The following ODAD3 variants were observed in gnomAD, a reference collection of about 807,000 sequenced individuals.
The protein encoded by ODAD3 is outer dynein arm-docking complex subunit 3.
A neutral mutation model predicts 70.9 loss-of-function variants in ODAD3; 57 were observed. The ratio of observed to expected loss-of-function variants is 0.80; its 90% CI spans 0.65 to 1.00. The LOEUF is 1.00. ODAD3 is among the 50% of genes least tolerant of loss of function. ODAD3 has a pLI of 0.00. For missense variants in ODAD3, 797 were observed against 763.9 expected, an observed-to-expected ratio of 1.04 and a Z score of -0.51; for synonymous variants, 327 against 315.9, an observed-to-expected ratio of 1.04 and a Z score of -0.37.
chr19:11,424,956 C>CATATGTGTATATATGTAT (rs1181001463), intron 7 of ODAD3, among the ~76,000 whole-genome samples: 1 of 105,838 alleles, frequency 9.4e-6, no homozygotes, highest in Non-Finnish European at 1.9e-5. Flanking sequence ...TGTATATGTA[C>CATATGTGTATATATGTAT]ATATGTGTAT....
chr19:11,421,834 T>G lies in ODAD3; in HGVS notation c.1435-2A>C. On this transcript the variant is annotated splice_acceptor_variant, in intron 10 of 12. Coordinates refer to ENST00000356392, the MANE Select transcript of ODAD3 (RefSeq NM_145045.5). LOFTEE classifies it high-confidence loss of function. ...CTTTCCCGCGAAGCGGCCGTCCTCCTGCGGCCAGGGTAGAGCCGGGTCAGC... is the reference window on the plus strand; with the variant it reads ...CTTTCCCGCGAAGCGGCCGTCCTCCGGCGGCCAGGGTAGAGCCGGGTCAGC... The G allele has an allele frequency of 6.2e-7, 1 of 1,611,810 alleles. No homozygotes were observed. The highest frequency in any genetic ancestry group is 8.5e-7 in the Non-Finnish European group (1 of 1,179,276).
upstream of ODAD3, chr19:11,435,430 C>T (rs530812240): frequency 1.6e-3 from 580 of 365,648 alleles, 4 homozygotes; most frequent in South Asian, 5.4e-3. Flanking sequence ...GAAGCCGCCA[C>T]TCCCAAGATG....
rs764008415 is a variant in ODAD3 at position 11,424,555 on chromosome 19, GTGTATATA to G, written c.964-534_964-527del. Among the ~76,000 whole-genome samples, 33 of 126,634 alleles carry G rather than the reference GTGTATATA, an allele frequency of 2.6e-4. 2 individuals carry two copies. The East Asian group carries it at 5.4e-3, about 21-fold the overall frequency. 83.1% of individuals were successfully genotyped at this position (126,634 alleles called of 152,430 possible). A position where few individuals can be genotyped will look rare whatever the true frequency, so the allele number is the denominator to read the frequency against. On this transcript the variant is annotated intron_variant, in intron 7 of 12. Coordinates refer to ENST00000356392, the MANE Select transcript of ODAD3 (RefSeq NM_145045.5). The stretch of plus-strand genomic sequence containing the variant: ...TGTATATATGTGTATATATACCTAT[GTGTATATA>G]TGTATATATGTGTATATATACCTAT...
At chr19:11,425,680 A>G (rs1281971849) in intron 7 of ODAD3, among the ~76,000 whole-genome samples, 1 of 131,842 alleles carries the variant, frequency 7.6e-6, no homozygotes, top group African/African-American at 4.0e-5. Context: ...TGCAAAAAAA[A>G]CCTATCAAAC....
Position 11,425,307 on chromosome 19 carries a change from G to GTGTACATATGTGTATATA in ODAD3, c.963+836_963+837insTATATACACATATGTACA, listed in dbSNP as rs1969302429. On this transcript the variant is annotated intron_variant, in intron 7 of 12. Transcript: ENST00000356392. The stretch of plus-strand genomic sequence containing the variant: ...TGTACATATGTGTATATATGTGTAT[G>GTGTACATATGTGTATATA]TGTACATATGTGTATATGTACATAT... Among the ~76,000 whole-genome samples, 25 of 111,042 alleles carry GTGTACATATGTGTATATA rather than the reference G, an allele frequency of 2.3e-4. 1 individual carries two copies. The highest frequency in any genetic ancestry group is 1.4e-3 in the African/African-American group (24 of 17,236). 72.8% of individuals were successfully genotyped at this position (111,042 alleles called of 152,430 possible). A position where few individuals can be genotyped will look rare whatever the true frequency, so the allele number is the denominator to read the frequency against.
Position 11,420,718 on chromosome 19 carries a change from G to C in ODAD3, c.*117C>G. ...TCCTCCCCTCCGGGCGCCGCTGGCCGCCTCCGTTCCCGGTCCGGGCCGCGT... is the reference window on the plus strand; with the variant it reads ...TCCTCCCCTCCGGGCGCCGCTGGCCCCCTCCGTTCCCGGTCCGGGCCGCGT... On this transcript the variant is annotated 3_prime_UTR_variant, in exon 13 of 13. Coordinates refer to ENST00000356392, the MANE Select transcript of ODAD3 (RefSeq NM_145045.5). 4 of 839,326 alleles carry C rather than the reference G, an allele frequency of 4.8e-6. No homozygotes were observed. Among genetic ancestry groups the C allele is most frequent in the Non-Finnish European group, 3.8e-6 (2 of 524,144 alleles). 52.0% of individuals were successfully genotyped at this position (839,326 alleles called of 1,614,324 possible). A position where few individuals can be genotyped will look rare whatever the true frequency, so the allele number is the denominator to read the frequency against.
At chr19:11,425,567 G>GTATGTATA (rs1265018499) in intron 7 of ODAD3, among the ~76,000 whole-genome samples, 1 of 131,134 alleles carries the variant, frequency 7.6e-6, no homozygotes, top group Non-Finnish European at 1.5e-5. Flanking sequence ...ATATATGTGT[G>GTATGTATA]TATGTATGTA....
At chr19:11,423,789 G>A in intron 8 of ODAD3, 88 bp downstream of exon 8, 7 of 1,368,728 alleles carry the variant, frequency 5.1e-6, no homozygotes, top group Non-Finnish European at 7.0e-6. Context: ...GGGAGACAGG[G>A]TGTGTCGGTT....
At position 11,430,730 on chromosome 19, in the gene ODAD3, T is replaced by G; in HGVS notation, c.413A>C (p.Glu138Ala). The change falls in exon 3 of 13, where the codon GAG (glutamate) becomes GCG (alanine). Residue 138 changes from glutamate (E) to alanine (A), a missense_variant. Coordinates refer to ENST00000356392, the MANE Select transcript of ODAD3 (RefSeq NM_145045.5). ...VQAVIREWKW[E>A]KPYLKNRTGQ... is the part of the protein sequence containing the mutation. Reference sequence around the variant, plus strand: ...TGTCCTGTTCTTCAGGTATGGCTTCTCCCACTTCCATTCGCGAATCACTGC... The same window carrying G: ...TGTCCTGTTCTTCAGGTATGGCTTCGCCCACTTCCATTCGCGAATCACTGC... The G allele has an allele frequency of 6.2e-7, 1 of 1,614,014 alleles. No homozygotes were observed. Among genetic ancestry groups the G allele is most frequent in the East Asian group, 2.2e-5 (1 of 44,860 alleles).
Position 11,430,713 on chromosome 19 carries a change from T to A in ODAD3, c.430A>T (p.Asn144Tyr), listed in dbSNP as rs373667322. ...EWKWEKPYLK[N>Y]RTGQALEHLD... ...GGTGGGCAAACCTGTCCTGTCCTGTTCTTCAGGTATGGCTTCTCCCACTTC... is the reference window on the plus strand; with the variant it reads ...GGTGGGCAAACCTGTCCTGTCCTGTACTTCAGGTATGGCTTCTCCCACTTC... Residue 144 changes from asparagine to tyrosine, a missense_variant, in exon 3 of 13, where the codon AAC becomes TAC. Coordinates refer to ENST00000356392, the MANE Select transcript of ODAD3 (RefSeq NM_145045.5). 2 of 1,613,920 alleles carry A rather than the reference T, an allele frequency of 1.2e-6. No homozygotes were observed. Among genetic ancestry groups the A allele is most frequent in the Non-Finnish European group, 1.7e-6 (2 of 1,180,010 alleles).
rs1969126108 is a variant in ODAD3, at chr19:11,421,221, G to A, written c.1591-9C>T. ...TCTAAGCTGGCGAGGAACTAAGCGG[G>A]GATGGGAAGCGAGAGAGGAAGGTGG... On this transcript the variant is annotated splice_polypyrimidine_tract_variant and intron_variant, in intron 11 of 12. Coordinates refer to ENST00000356392, the MANE Select transcript of ODAD3 (RefSeq NM_145045.5). The A allele has an allele frequency of 1.2e-6, 2 of 1,610,846 alleles. No homozygotes were observed. The highest frequency in any genetic ancestry group is 1.3e-5 in the African/African-American group (1 of 74,958).
intron 7 of ODAD3, among the ~76,000 whole-genome samples, chr19:11,425,019 ATACATATGTGCATATATACATATGTG>A (rs1290142231): frequency 8.5e-6 from 1 of 117,822 alleles, no homozygotes; most frequent in Non-Finnish European, 1.7e-5. Context: ...ATGTGTATAT[ATACATATGTGCATATATACATATGTG>A]TATATATGTG....
chr19:11,435,375 C>T (rs943529995), upstream of ODAD3: 1 of 453,172 alleles, frequency 2.2e-6, no homozygotes, highest in Admixed American at 3.8e-5. Flanking sequence ...TATCCCGCCC[C>T]TGGGGGTTCG....
chr19:11,428,861 T>TTTATTTA (rs1969442578), intron 3 of ODAD3, among the ~76,000 whole-genome samples: 30 of 135,686 alleles, frequency 2.2e-4, no homozygotes, highest in African/African-American at 6.3e-4. Flanking sequence ...GTGTTTTATT[T>TTTATTTA]TTTATTTATT....
chr19:11,423,833 GGT>G (rs1969197802), intron 8 of ODAD3, 42 bp downstream of exon 8: 1 of 1,472,074 alleles, frequency 6.8e-7, no homozygotes, highest in Non-Finnish European at 9.2e-7. Context: ...GCCCGTCTGG[GGT>G]GGGGGGGGGG....
intron 3 of ODAD3, chr19:11,430,418 G>A (rs1390364607): frequency 2.2e-6 from 1 of 455,778 alleles, no homozygotes; most frequent in Non-Finnish European, 3.9e-6. Context: ...GATTACAGAC[G>A]TGGGCCACCG....
At position 11,431,019 on chromosome 19, in the gene ODAD3, C is replaced by T. The variant is rs764032668; in HGVS notation, c.246G>A (p.Glu82=). ...AELHKKIQLL[E]GDRKAFFESS... The stretch of plus-strand genomic sequence containing the variant: ...TCTCAAAAAAAGCCTTCCGGTCACC[C>T]TCTGGCAGGCAGGTGAGGTGGACAG... Residue 82 remains glutamate (E), a splice_region_variant and synonymous_variant, in exon 2 of 13, where the codon GAG becomes GAA. Coordinates refer to ENST00000356392, the MANE Select transcript of ODAD3 (RefSeq NM_145045.5). 1.2e-6 allele frequency: 2 copies of T among 1,614,092 alleles called. No individual in the cohort carries two copies. Among genetic ancestry groups the T allele is most frequent in the East Asian group, 2.2e-5 (1 of 44,872 alleles).
intron 10 of ODAD3, 112 bp from the exon 11 acceptor site, chr19:11,421,944 C>T (rs1318097531): frequency 2.4e-6 from 3 of 1,231,126 alleles, no homozygotes; most frequent in African/African-American, 1.5e-5. Flanking sequence ...AAGGGCCCAC[C>T]TGCAGGGTCG....
At chr19:11,426,827 T>C (rs1033233971) in intron 4 of ODAD3, 43 bp from the exon 5 acceptor site, 1 of 1,612,860 alleles carries the variant, frequency 6.2e-7, no homozygotes, top group South Asian at 1.1e-5. Flanking sequence ...CCGCACTCAA[T>C]CCCTCCCACA....
Sources: allele counts gnomAD v4.1 joint callset (sites outside exome capture counted in the v4.1 genomes callset), GRCh38; gene constraint gnomAD v4.1.1; transcripts MANE v1.5; gene names NCBI Gene and HGNC (gene_info 2026-07-23, HGNC 2026-07-21).